The following SCHIP1 variants were observed in gnomAD, a reference collection of about 807,000 sequenced individuals.
SCHIP1 encodes schwannomin interacting protein 1, also known as schwannomin-interacting protein 1.
Under a neutral mutation model 29.7 loss-of-function variants are expected in SCHIP1, and 8 were observed. The observed-to-expected ratio is 0.27, with a 90% CI of 0.16 to 0.49. The LOEUF is 0.49. Among genes scored for constraint, SCHIP1 ranks in the 20% least tolerant of loss-of-function variants. The pLI is 0.99. For missense variants in SCHIP1, 193 were observed against 294.6 expected (o/e 0.66, Z 2.52); for synonymous variants, 76 against 94.9 (o/e 0.80, Z 1.16).
the SCHIP1 span, among the ~76,000 whole-genome samples, chr3:159,615,342 G>A: frequency 1.3e-5 from 2 of 152,334 alleles, no homozygotes; most frequent in South Asian, 4.1e-4. Context: ...TTAAGCAAGA[G>A]AGTGGAGAGT....
the SCHIP1 span, among the ~76,000 whole-genome samples, chr3:159,427,059 C>A: frequency 6.6e-6 from 1 of 152,302 alleles, no homozygotes; most frequent in South Asian, 2.1e-4. Context: ...CTATCTATGA[C>A]AAACCCACAG....
At chr3:159,442,362 G>A in the SCHIP1 span, among the ~76,000 whole-genome samples, 2 of 152,154 alleles carry the variant, frequency 1.3e-5, no homozygotes, top group Non-Finnish European at 2.9e-5. Context: ...AGTCTGGTCA[G>A]GATAGGAGCG....
chr3:159,711,541 A>T, the SCHIP1 span, among the ~76,000 whole-genome samples: 1 of 152,154 alleles, frequency 6.6e-6, no homozygotes, highest in Non-Finnish European at 1.5e-5. Context: ...AAATACAATG[A>T]TAAAATAGCA....
the SCHIP1 span, among the ~76,000 whole-genome samples, chr3:159,448,607 T>C: frequency 6.6e-6 from 1 of 152,186 alleles, no homozygotes; most frequent in African/African-American, 2.4e-5. Flanking sequence ...AAATATGTGT[T>C]AAGAGTGTCC....
the SCHIP1 span, among the ~76,000 whole-genome samples, chr3:159,624,380 A>G: frequency 6.6e-6 from 1 of 152,228 alleles, no homozygotes; most frequent in African/African-American, 2.4e-5. Flanking sequence ...ATTAAAGTCT[A>G]TCAGGCTTCC....
intron 2 of SCHIP1, among the ~76,000 whole-genome samples, chr3:159,870,586 G>A (rs1351558631): frequency 4.0e-5 from 6 of 151,772 alleles, no homozygotes; most frequent in Non-Finnish European, 8.8e-5. Context: ...AACCTAAAGT[G>A]GTTAGGGAGT....
chr3:159,892,253 A>G, intron 6 of SCHIP1, 63 bp downstream of exon 7: 2 of 1,589,006 alleles, frequency 1.3e-6, no homozygotes, highest in East Asian at 2.2e-5. Flanking sequence ...TCTAAGAATT[A>G]GGCAAAAACT....
chr3:159,322,178 C>T, the SCHIP1 span, among the ~76,000 whole-genome samples: 3 of 151,980 alleles, frequency 2.0e-5, no homozygotes, highest in East Asian at 5.8e-4. Context: ...GAGTGTGAGA[C>T]ACTAGTGCTC....
chr3:159,587,785 A>G, the SCHIP1 span, among the ~76,000 whole-genome samples: 1 of 152,316 alleles, frequency 6.6e-6, no homozygotes, highest in South Asian at 2.1e-4. Flanking sequence ...ATGTCCCTAC[A>G]AAGGACATGA....
At chr3:159,808,244 T>C in the SCHIP1 span, among the ~76,000 whole-genome samples, 9 of 152,236 alleles carry the variant, frequency 5.9e-5, no homozygotes, top group African/African-American at 1.9e-4. Context: ...GCTGGTTCTA[T>C]CTGTGTTTAC....
At chr3:159,650,768 G>T in the SCHIP1 span, among the ~76,000 whole-genome samples, 1 of 152,214 alleles carries the variant, frequency 6.6e-6, no homozygotes, top group Non-Finnish European at 1.5e-5. Flanking sequence ...GCAGCCATTT[G>T]CAAGAGTATC....
At chr3:159,379,418 T>C in the SCHIP1 span, among the ~76,000 whole-genome samples, 1 of 152,172 alleles carries the variant, frequency 6.6e-6, no homozygotes, top group African/African-American at 2.4e-5. Flanking sequence ...AGACAGGGTT[T>C]CACCATGTTG....
chr3:159,529,718 CTG>C, the SCHIP1 span, among the ~76,000 whole-genome samples: 1 of 152,190 alleles, frequency 6.6e-6, no homozygotes. Context: ...CTCCTTCTGA[CTG>C]TATTTTTGTG....
the SCHIP1 span, among the ~76,000 whole-genome samples, chr3:159,517,371 T>C: frequency 2.6e-5 from 4 of 152,228 alleles, no homozygotes; most frequent in African/African-American, 9.6e-5. Flanking sequence ...TGAGGAAAAA[T>C]GACTACTGGG....
In SCHIP1 at chr3:159,866,296, G is replaced by T. The variant is rs755677081; in HGVS notation, c.149+15G>T. ...CTTTCCTCCCGGTGAGTGTTCTTTTGAGTTGAATTTCTGATATGTACACAG... is the reference window on the plus strand; with the variant it reads ...CTTTCCTCCCGGTGAGTGTTCTTTTTAGTTGAATTTCTGATATGTACACAG... On this transcript the variant is annotated intron_variant, in intron 2 of 6. Transcript: ENST00000445224. 23 of 1,609,864 alleles carry T rather than the reference G, an allele frequency of 1.4e-5. No homozygotes were observed. The highest frequency in any genetic ancestry group is 1.6e-5 in the Non-Finnish European group (19 of 1,176,860).
At chr3:159,604,517 G>A in the SCHIP1 span, among the ~76,000 whole-genome samples, 1 of 152,104 alleles carries the variant, frequency 6.6e-6, no homozygotes, top group African/African-American at 2.4e-5. Context: ...ACTGTGCCAG[G>A]GGCTGGAAAT....
the SCHIP1 span, among the ~76,000 whole-genome samples, chr3:159,809,080 G>A: frequency 1.4e-5 from 2 of 148,034 alleles, no homozygotes; most frequent in Non-Finnish European, 3.0e-5. Context: ...TTGCTTTTCT[G>A]CATCCATCAA....
At chr3:159,461,542 G>A in the SCHIP1 span, among the ~76,000 whole-genome samples, 1 of 151,714 alleles carries the variant, frequency 6.6e-6, no homozygotes, top group Non-Finnish European at 1.5e-5. Flanking sequence ...AAATATACAG[G>A]AAAAATTATC....
the SCHIP1 span, among the ~76,000 whole-genome samples, chr3:159,533,263 A>AG: frequency 6.6e-6 from 1 of 152,178 alleles, no homozygotes; most frequent in African/African-American, 2.4e-5. Context: ...GGAAGGGGAC[A>AG]GGGCACAGCA....
Sources: allele counts gnomAD v4.1 joint callset (sites outside exome capture counted in the v4.1 genomes callset), GRCh38; gene constraint gnomAD v4.1.1; transcripts MANE v1.5; gene names NCBI Gene and HGNC (gene_info 2026-07-23, HGNC 2026-07-21).